The following TM4SF5 variants were observed in gnomAD, a reference collection of about 807,000 sequenced individuals.
TM4SF5 encodes the protein transmembrane 4 L six family member 5, also known as transmembrane 4 L6 family member 5.
In TM4SF5, 16 loss-of-function variants were observed where a neutral mutation model predicts 22.3. The ratio of observed to expected loss-of-function variants is 0.72; its 90% confidence interval spans 0.49 to 1.09. The LOEUF (loss-of-function observed/expected upper bound fraction) is 1.09. TM4SF5 is among the 50% of genes least tolerant of loss of function. TM4SF5 has a pLI of 0.00. For missense variants in TM4SF5, 249 were observed against 266.1 expected (o/e 0.94, Z 0.45); for synonymous variants, 113 against 109.6 (o/e 1.03, Z -0.19).
At chr17:4,780,466 G>A (rs1412893388) in intron 1 of TM4SF5, among the ~76,000 whole-genome samples, 2 of 152,148 alleles carry the variant, frequency 1.3e-5, no homozygotes, top group Non-Finnish European at 2.9e-5. Context: ...GAGACCCTGA[G>A]AGATGAATCA....
rs748501797 is a variant in TM4SF5 at position 4,772,718 on chromosome 17, GTT to G, written c.177+633_177+634del. ...GGGTTGGTTTTTGTGTTTGTTTTTT[GTT>G]TTTTTTTTTTTTTGAGACAGGGTCT... On this transcript the variant is annotated intron_variant, in intron 1 of 4. Transcript: ENST00000270560. Among the ~76,000 whole-genome samples the G allele has an allele frequency of 3.9e-3, 553 of 140,658 alleles. 2 individuals are homozygous for G. Among genetic ancestry groups the G allele is most frequent in the African/African-American group, 0.014 (526 of 37,664 alleles). The allele number at this position is 140,658 out of a possible 152,430, so 92.3% of individuals were successfully genotyped here. A position where few individuals can be genotyped will look rare whatever the true frequency, so the allele number is the denominator to read the frequency against.
intron 1 of TM4SF5, among the ~76,000 whole-genome samples, chr17:4,777,068 A>G (rs771293596): frequency 2.0e-5 from 3 of 151,968 alleles, no homozygotes; most frequent in African/African-American, 4.8e-5. Flanking sequence ...ATGGTGGTGC[A>G]TGCCTGTAAT....
intron 2 of TM4SF5, among the ~76,000 whole-genome samples, chr17:4,781,094 C>T (rs1016349646): frequency 1.4e-4 from 21 of 147,294 alleles, no homozygotes; most frequent in African/African-American, 3.8e-4. Context: ...GTGGGAGGGC[C>T]GCTTGAGCCC....
chr17:4,780,771 A>G lies in TM4SF5; in HGVS notation c.178-18A>G. On this transcript the variant is annotated intron_variant, in intron 1 of 4. Transcript: ENST00000270560. ...GGATCTGGGGGGACGTGCTATAACA[A>G]TGACTCTTGTCCCACAGGTACTGTG... 6.2e-7 allele frequency: 1 copy of G among 1,602,262 alleles called. No homozygotes were observed. The highest frequency in any genetic ancestry group is 8.5e-7 in the Non-Finnish European group (1 of 1,174,028).
intron 1 of TM4SF5, among the ~76,000 whole-genome samples, chr17:4,774,195 G>A (rs1203001194): frequency 2.0e-5 from 3 of 152,182 alleles, no homozygotes; most frequent in African/African-American, 7.2e-5. Context: ...CTGGGCGACA[G>A]AGCAAGACTC....
rs1917343478 is a variant in TM4SF5 at position 4,782,918 on chromosome 17, T to G, written c.460T>G (p.Trp154Gly). The change falls in exon 4 of 5, where the codon TGG becomes GGG. Residue 154 changes from tryptophan (W) to glycine (G), a missense_variant. Transcript: ENST00000270560. ...CGAGGCGCCCCCTCGCGTGGTCCCC[T>G]GGAATGTGACGCTCTTCTCGCTGCT... is the stretch of plus-strand genomic sequence containing the variant. Reference protein sequence around the residue: ...RCEAPPRVVPWNVTLFSLLVA... With the variant: ...RCEAPPRVVPGNVTLFSLLVA... The G allele has an allele frequency of 6.2e-7, 1 of 1,614,188 alleles. No individual in the cohort carries two copies.
At position 4,782,353 on chromosome 17, in the gene TM4SF5, AC is replaced by A. The variant is rs1292706836; in HGVS notation, c.259-149del. 4.5e-6 allele frequency: 4 copies of A among 884,722 alleles called. No individual in the cohort carries two copies. In the African/African-American group the frequency reaches 6.8e-5, roughly 15 times the overall value. The allele number at this position is 884,722 out of a possible 1,614,324, so 54.8% of individuals were successfully genotyped here. On this transcript the variant is annotated intron_variant, in intron 2 of 4. Coordinates refer to ENST00000270560, the MANE Select transcript of TM4SF5 (RefSeq NM_003963.3). ...CTCAGCCTCCCAAAGTGCTGAGATT[AC>A]AGGGGTGAGCCACCGCGCCCGGCAT...
At chr17:4,776,296 C>T (rs1338276848) in intron 1 of TM4SF5, among the ~76,000 whole-genome samples, 2 of 149,130 alleles carry the variant, frequency 1.3e-5, no homozygotes, top group Middle Eastern at 3.5e-3. Flanking sequence ...TGTTTTTTTG[C>T]TTTTTTGCTT....
At chr17:4,774,598 G>A (rs1211978739) in intron 1 of TM4SF5, among the ~76,000 whole-genome samples, 3 of 151,942 alleles carry the variant, frequency 2.0e-5, no homozygotes, top group African/African-American at 7.2e-5. Flanking sequence ...ACTAGGCAAG[G>A]CAATTTCAGA....
chr17:4,772,189 A>G (rs1368097178), intron 1 of TM4SF5, 90 bp downstream of exon 1: 4 of 1,515,788 alleles, frequency 2.6e-6, no homozygotes, highest in Non-Finnish European at 3.6e-6. Flanking sequence ...AGGAATAAGA[A>G]TGGTTGCTTG....
chr17:4,777,730 CAA>C (rs1207477200), intron 1 of TM4SF5, among the ~76,000 whole-genome samples: 2 of 152,002 alleles, frequency 1.3e-5, no homozygotes, highest in Non-Finnish European at 2.9e-5. Context: ...ACTAAAAATA[CAA>C]AGTTAGCAGG....
At position 4,782,515 on chromosome 17, in the gene TM4SF5, G is replaced by T. The variant is rs752081884; in HGVS notation, c.271G>T (p.Val91Phe). 6.2e-7 allele frequency: 1 copy of T among 1,614,096 alleles called. No individual in the cohort carries two copies. The highest frequency in any genetic ancestry group is 1.1e-5 in the South Asian group (1 of 91,070). The change falls in exon 3 of 5, where the codon GTC becomes TTC. Residue 91 changes from valine to phenylalanine, a missense_variant. Coordinates refer to ENST00000270560, the MANE Select transcript of TM4SF5 (RefSeq NM_003963.3). ...CGNRCRMLRS[V>F]FSSAFGVLGA... ...ACACCACATCCAGATGCTGCGCTCG[G>T]TCTTCTCCTCGGCGTTCGGGGTGCT... is the stretch of plus-strand genomic sequence containing the variant.
At chr17:4,776,273 CTGTTTGTT>C (rs145804643) in intron 1 of TM4SF5, among the ~76,000 whole-genome samples, 1 of 151,648 alleles carries the variant, frequency 6.6e-6, no homozygotes, top group Non-Finnish European at 1.5e-5. Context: ...ATACATTCTA[CTGTTTGTT>C]TGTTTGTTTT....
intron 2 of TM4SF5, 41 bp from the exon 3 acceptor site, chr17:4,782,462 G>A (rs769903416): frequency 6.2e-7 from 1 of 1,612,124 alleles, no homozygotes; most frequent in Admixed American, 1.7e-5. Context: ...ACCCACAGGT[G>A]GGGAGATTGG....
intron 1 of TM4SF5, among the ~76,000 whole-genome samples, chr17:4,776,192 C>T (rs1917202393): frequency 6.6e-6 from 1 of 152,144 alleles, no homozygotes; most frequent in Admixed American, 6.6e-5. Context: ...GTGAGAGCCA[C>T]CCATATTATC....
intron 1 of TM4SF5, among the ~76,000 whole-genome samples, chr17:4,772,335 C>T (rs1020797018): frequency 1.9e-4 from 29 of 152,160 alleles, no homozygotes; most frequent in African/African-American, 6.3e-4. Context: ...GCTCCCCTAC[C>T]GGGTAGGGAG....
intron 1 of TM4SF5, among the ~76,000 whole-genome samples, chr17:4,773,355 G>A (rs1424488349): frequency 6.6e-6 from 1 of 152,088 alleles, no homozygotes; most frequent in Non-Finnish European, 1.5e-5. Flanking sequence ...TGTCAGAAGT[G>A]GAGGAAAAGG....
chr17:4,778,163 G>T (rs897386812), intron 1 of TM4SF5, among the ~76,000 whole-genome samples: 1 of 152,202 alleles, frequency 6.6e-6, no homozygotes, highest in Non-Finnish European at 1.5e-5. Context: ...GGGAGGTAAA[G>T]TAAGGTGTCA....
intron 1 of TM4SF5, among the ~76,000 whole-genome samples, chr17:4,772,657 G>A (rs927471090): frequency 2.6e-5 from 4 of 152,144 alleles, no homozygotes; most frequent in Non-Finnish European, 5.9e-5. Flanking sequence ...GTCGTCTTCC[G>A]GGAGATGAGA....
Sources: allele counts gnomAD v4.1 joint callset (sites outside exome capture counted in the v4.1 genomes callset), GRCh38; gene constraint gnomAD v4.1.1; transcripts MANE v1.5; gene names NCBI Gene and HGNC (gene_info 2026-07-23, HGNC 2026-07-21).